RPTOR: variants seen among roughly 807,000 people sequenced by gnomAD.
The protein encoded by RPTOR is regulatory associated protein of MTOR complex 1.
In RPTOR, 21 loss-of-function variants were observed where a neutral mutation model predicts 169.9. The observed-to-expected ratio is 0.12, with a 90% CI of 0.09 to 0.18. The LOEUF is 0.18. Among genes scored for constraint, RPTOR ranks in the 10% least tolerant of loss-of-function variants. RPTOR has a pLI of 1.00. For synonymous variants in RPTOR, 732 were observed against 753.2 expected (o/e 0.97, Z 0.46); for missense variants, 1,133 against 1,855.9 (o/e 0.61, Z 7.16).
intron 3 of RPTOR, among the ~76,000 whole-genome samples, chr17:80,649,853 T>C (rs1599634548): frequency 6.6e-6 from 1 of 152,210 alleles, no homozygotes; most frequent in East Asian, 1.9e-4. Context: ...CTCTGATTCA[T>C]GCTCTTCAGC....
chr17:80,922,834 G>A lies in RPTOR; in HGVS notation c.2624+7G>A. On this transcript the variant is annotated splice_region_variant and intron_variant, in intron 22 of 33. Coordinates refer to ENST00000306801, the MANE Select transcript of RPTOR (RefSeq NM_020761.3). Reference sequence around the variant, plus strand: ...TGCACATCCACCAGGCGGGGTAAGTGCCGCCCGCTCAGCCTGCAGGTCCGT... The same window carrying A: ...TGCACATCCACCAGGCGGGGTAAGTACCGCCCGCTCAGCCTGCAGGTCCGT... 6.4e-7 allele frequency: 1 copy of A among 1,551,670 alleles called. No homozygotes were observed.
At chr17:80,605,209 G>C (rs746232579) in intron 1 of RPTOR, among the ~76,000 whole-genome samples, 34 of 152,212 alleles carry the variant, frequency 2.2e-4, no homozygotes, top group Non-Finnish European at 4.7e-4. Flanking sequence ...TAAGTTTTCA[G>C]CTGGGTGAAG....
At chr17:80,642,545 G>C (rs1197978356) in intron 2 of RPTOR, among the ~76,000 whole-genome samples, 1 of 152,150 alleles carries the variant, frequency 6.6e-6, no homozygotes, top group Non-Finnish European at 1.5e-5. Flanking sequence ...TCAATGAGCT[G>C]ATATTTTCCA....
At chr17:80,682,985 G>C (rs2065909894) in intron 3 of RPTOR, among the ~76,000 whole-genome samples, 1 of 152,114 alleles carries the variant, frequency 6.6e-6, no homozygotes, top group South Asian at 2.1e-4. Context: ...ATTTTTTGTA[G>C]AGATGGGGTT....
At chr17:80,945,167 C>T (rs879748611) in intron 25 of RPTOR, among the ~76,000 whole-genome samples, 10 of 151,808 alleles carry the variant, frequency 6.6e-5, no homozygotes, top group African/African-American at 1.2e-4. Flanking sequence ...TGGCGGTGCG[C>T]GCCTATGTCC....
intron 6 of RPTOR, among the ~76,000 whole-genome samples, chr17:80,785,407 G>A (rs1013671114): frequency 6.6e-6 from 1 of 152,244 alleles, no homozygotes; most frequent in Non-Finnish European, 1.5e-5. Flanking sequence ...GTGGTCTTCA[G>A]TATATCTTGA....
At chr17:80,732,491 C>T (rs1044797625) in intron 5 of RPTOR, among the ~76,000 whole-genome samples, 1 of 152,114 alleles carries the variant, frequency 6.6e-6, no homozygotes, top group Non-Finnish European at 1.5e-5. Flanking sequence ...AAAAGATTCC[C>T]ATGCATCTTT....
chr17:80,595,460 T>A (rs936635625), intron 1 of RPTOR, among the ~76,000 whole-genome samples: 3 of 101,292 alleles, frequency 3.0e-5, no homozygotes, highest in African/African-American at 2.9e-5. Flanking sequence ...GCAGACAGGG[T>A]TTTTCCCCCC....
At chr17:80,894,764 C>CGT (rs367599427) in intron 20 of RPTOR, among the ~76,000 whole-genome samples, 6,987 of 150,744 alleles carry the variant, frequency 0.046, 347 homozygotes, top group African/African-American at 0.12. Flanking sequence ...AAGAGCGCTG[C>CGT]GTGTGTGTGT....
intron 3 of RPTOR, among the ~76,000 whole-genome samples, chr17:80,684,622 T>G (rs1488221443): frequency 6.6e-6 from 1 of 151,838 alleles, no homozygotes; most frequent in Admixed American, 6.6e-5. Context: ...TTTTTTGTAT[T>G]TTTTAGTAGA....
chr17:80,793,399 T>C (rs1375033253), intron 7 of RPTOR, among the ~76,000 whole-genome samples: 1 of 152,216 alleles, frequency 6.6e-6, no homozygotes, highest in Non-Finnish European at 1.5e-5. Context: ...CCTTGCTGGG[T>C]TGGCTTATTC....
Position 80,965,131 on chromosome 17 carries a change from C to T in RPTOR, c.*801C>T, listed in dbSNP as rs1368258366. On this transcript the variant is annotated 3_prime_UTR_variant, in exon 34 of 34. Transcript: ENST00000306801. The stretch of plus-strand genomic sequence containing the variant: ...AGCCCCTGCCTTAATCCACGGGGCT[C>T]CTTTCCCTCCGAAGGGCTGCTCTTC... The T allele has an allele frequency of 4.3e-6, 1 of 233,220 alleles. No individual in the cohort carries two copies. Among genetic ancestry groups the T allele is most frequent in the African/African-American group, 2.2e-5 (1 of 45,354 alleles). 14.4% of individuals were successfully genotyped at this position (233,220 alleles called of 1,614,324 possible).
rs200398112 is a variant in RPTOR at position 80,949,555 on chromosome 17, C to T, written c.3370+8C>T. 153 of 1,609,854 alleles carry T rather than the reference C, an allele frequency of 9.5e-5. No homozygotes were observed. In the African/African-American group the frequency reaches 1.3e-3, roughly 14 times the overall value. ...TGCTGCCAACGACGCGAGGTGGGTCCGCCCGGCTCCTCCCCAGAGCAGAAT... is the reference window on the plus strand; with the variant it reads ...TGCTGCCAACGACGCGAGGTGGGTCTGCCCGGCTCCTCCCCAGAGCAGAAT... On this transcript the variant is annotated splice_region_variant and intron_variant, in intron 28 of 33. Transcript: ENST00000306801.
At chr17:80,744,153 A>G (rs1265297758) in intron 5 of RPTOR, among the ~76,000 whole-genome samples, 1 of 83,028 alleles carries the variant, frequency 1.2e-5, no homozygotes, top group African/African-American at 4.9e-5. Context: ...TATCCTGGTT[A>G]CTAGCACAGC....
intron 1 of RPTOR, among the ~76,000 whole-genome samples, chr17:80,623,173 G>A (rs980660115): frequency 6.6e-6 from 1 of 151,916 alleles, no homozygotes; most frequent in African/African-American, 2.4e-5. Flanking sequence ...AGAAGTTCTG[G>A]TCAATACGCT....
chr17:80,912,583 G>A (rs564686132), intron 21 of RPTOR, among the ~76,000 whole-genome samples: 5 of 152,072 alleles, frequency 3.3e-5, no homozygotes, highest in Admixed American at 1.3e-4. Context: ...GGAAGCTCTC[G>A]AGCCTGTGTA....
At chr17:80,856,297 A>G (rs1363173163) in intron 12 of RPTOR, among the ~76,000 whole-genome samples, 1 of 152,238 alleles carries the variant, frequency 6.6e-6, no homozygotes, top group African/African-American at 2.4e-5. Context: ...TCATGTTTTT[A>G]TAAAAGAGAC....
At position 80,721,864 on chromosome 17, in the gene RPTOR, G is replaced by GTATA. The variant is rs140367792; in HGVS notation, c.508-8684_508-8681dup. Among the ~76,000 whole-genome samples the GTATA allele has an allele frequency of 3.5e-4, 52 of 149,616 alleles. No individual in the cohort carries two copies. The highest frequency in any genetic ancestry group is 3.1e-3 in the East Asian group (16 of 5,138). On this transcript the variant is annotated intron_variant, in intron 4 of 33. Transcript: ENST00000306801. The surrounding 1 kb of genome is among the most constrained non-coding windows in gnomAD (Gnocchi z 4.7). ...CAAGTCTTCATTATTATCCAATTTG[G>GTATA]TATATATATATATATTTCAGGTTTT...
At chr17:80,859,597 T>C (rs1004772386) in intron 13 of RPTOR, among the ~76,000 whole-genome samples, 2 of 152,178 alleles carry the variant, frequency 1.3e-5, no homozygotes, top group African/African-American at 2.4e-5. Flanking sequence ...GGAGCCGGCA[T>C]CAGGGCAAGG....
Sources: gnomAD v4.1 joint callset for allele counts (sites outside exome capture counted in the v4.1 genomes callset) on GRCh38, gnomAD v4.1.1 for gene constraint, Gnocchi (gnomAD v3.1) non-coding constraint, MANE v1.5 for transcripts, NCBI Gene and HGNC (gene_info 2026-07-23, HGNC 2026-07-21) for gene names.